CDC42SE2: variants seen among roughly 807,000 people sequenced by gnomAD.
CDC42SE2 encodes the protein CDC42 small effector 2, also known as CDC42 small effector protein 2.
In CDC42SE2, 3 loss-of-function variants were observed where a neutral mutation model predicts 11.5. The observed-to-expected ratio is 0.26, with a 90% CI of 0.12 to 0.67. The LOEUF (loss-of-function observed/expected upper bound fraction) is 0.67, where lower values mean the gene tolerates loss of function less well. CDC42SE2 is among the 30% of genes least tolerant of loss of function. The pLI is 0.80. For synonymous variants in CDC42SE2, 33 were observed against 34.8 expected, an observed-to-expected ratio of 0.95 and a Z score of 0.18; for missense variants, 82 against 106.8, an observed-to-expected ratio of 0.77 and a Z score of 1.02.
chr5:131,212,095 G>T, the CDC42SE2 span, among the ~76,000 whole-genome samples: 2 of 151,448 alleles, frequency 1.3e-5, no homozygotes, highest in African/African-American at 4.9e-5. Flanking sequence ...GTGTGGCAGG[G>T]TTTTTTTCTG....
At chr5:131,379,548 C>T (rs1003858502) in intron 3 of CDC42SE2, among the ~76,000 whole-genome samples, 4 of 152,114 alleles carry the variant, frequency 2.6e-5, no homozygotes, top group Non-Finnish European at 5.9e-5. Context: ...TTGAAATTAA[C>T]CTGCTTCTCG....
chr5:131,298,657 T>G (rs895462541), intron 1 of CDC42SE2, among the ~76,000 whole-genome samples: 4 of 152,022 alleles, frequency 2.6e-5, no homozygotes, highest in Non-Finnish European at 4.4e-5. Flanking sequence ...CTGAAACTTC[T>G]GCATAGTGGC....
chr5:131,268,662 G>A (rs1756924496), intron 1 of CDC42SE2, among the ~76,000 whole-genome samples: 1 of 151,664 alleles, frequency 6.6e-6, no homozygotes, highest in Admixed American at 6.6e-5. Flanking sequence ...ATGTTGGTGA[G>A]GCTGGTCTCG....
chr5:131,217,239 C>T, the CDC42SE2 span, among the ~76,000 whole-genome samples: 3 of 152,146 alleles, frequency 2.0e-5, no homozygotes, highest in Admixed American at 6.5e-5. Flanking sequence ...TACAGCAACA[C>T]GGTTGAGTAG....
At chr5:131,388,880 C>T (rs989307527) in intron 4 of CDC42SE2, among the ~76,000 whole-genome samples, 19 of 152,092 alleles carry the variant, frequency 1.2e-4, no homozygotes, top group African/African-American at 4.6e-4. Flanking sequence ...TGCAGAGTCT[C>T]ATTCTGTTGC....
At chr5:131,385,690 C>A in intron 4 of CDC42SE2, 46 bp downstream of exon 4, 2 of 1,160,642 alleles carry the variant, frequency 1.7e-6, no homozygotes, top group South Asian at 2.6e-5. Flanking sequence ...GGGGCATAGT[C>A]ATATGAAACC....
intron 2 of CDC42SE2, among the ~76,000 whole-genome samples, chr5:131,347,927 C>T (rs530023081): frequency 1.3e-5 from 2 of 152,272 alleles, no homozygotes; most frequent in African/African-American, 2.4e-5. Context: ...GCAGAAAAGG[C>T]CTTTGACAAA....
intron 1 of CDC42SE2, among the ~76,000 whole-genome samples, chr5:131,303,259 G>C (rs1580741413): frequency 6.6e-6 from 1 of 152,116 alleles, no homozygotes; most frequent in East Asian, 1.9e-4. Context: ...GTCTATATTT[G>C]TCCCTGACAG....
In CDC42SE2 at chr5:131,328,618, G is replaced by T. The variant is rs1418377992; in HGVS notation, c.-286+12474G>T. On this transcript the variant is annotated intron_variant, in intron 2 of 4. Coordinates refer to ENST00000505065, the MANE Select transcript of CDC42SE2 (RefSeq NM_001375635.1). Reference sequence around the variant, plus strand: ...CTTATATCTTCCATTGACTTTCTAGGGACACATTCTTGGATCATTCATTCC... The same window carrying T: ...CTTATATCTTCCATTGACTTTCTAGTGACACATTCTTGGATCATTCATTCC... 5.9e-5 allele frequency among the ~76,000 whole-genome samples: 9 copies of T among 151,926 alleles called. No homozygotes were observed. The East Asian group carries it at 1.7e-3, about 29-fold the overall frequency.
chr5:131,213,181 G>A, the CDC42SE2 span, among the ~76,000 whole-genome samples: 5 of 152,228 alleles, frequency 3.3e-5, no homozygotes, highest in East Asian at 3.9e-4. Context: ...CAACAAGAGC[G>A]AAACTCCCAT....
chr5:131,261,688 A>C (rs549275690), upstream of CDC42SE2: 2 of 152,316 alleles, frequency 1.3e-5, no homozygotes, highest in East Asian at 3.9e-4. Context: ...CCTGTCTACC[A>C]AAAACACAAA....
chr5:131,264,701 C>T (rs1165232020), intron 1 of CDC42SE2, among the ~76,000 whole-genome samples: 1 of 152,248 alleles, frequency 6.6e-6, no homozygotes, highest in African/African-American at 2.4e-5. Context: ...AAGCCCTTGG[C>T]TACCTCGTCG....
At chr5:131,368,972 C>G (rs1029069627) in intron 3 of CDC42SE2, among the ~76,000 whole-genome samples, 1 of 152,068 alleles carries the variant, frequency 6.6e-6, no homozygotes, top group African/African-American at 2.4e-5. Context: ...GCACATATTA[C>G]TCGTTAAGAA....
At chr5:131,293,530 C>T (rs1757506605) in intron 1 of CDC42SE2, among the ~76,000 whole-genome samples, 1 of 148,308 alleles carries the variant, frequency 6.7e-6, no homozygotes, top group Non-Finnish European at 1.5e-5. Flanking sequence ...GGAGATCAGG[C>T]CACTGCACTC....
At chr5:131,343,660 C>T (rs1580767499) in intron 2 of CDC42SE2, among the ~76,000 whole-genome samples, 1 of 150,692 alleles carries the variant, frequency 6.6e-6, no homozygotes, top group Non-Finnish European at 1.5e-5. Context: ...TTGTGGTGAG[C>T]TGAGATCGCA....
At chr5:131,216,517 AAAAAAC>A in the CDC42SE2 span, among the ~76,000 whole-genome samples, 1 of 151,260 alleles carries the variant, frequency 6.6e-6, no homozygotes, top group African/African-American at 2.5e-5. Context: ...AAAAAAAAAA[AAAAAAC>A]ATTATAGACT....
chr5:131,301,186 G>A (rs1340011959), intron 1 of CDC42SE2, among the ~76,000 whole-genome samples: 2 of 152,298 alleles, frequency 1.3e-5, no homozygotes, highest in East Asian at 1.9e-4. Flanking sequence ...ACTGGCAAGG[G>A]TAGGGGGAAG....
intron 1 of CDC42SE2, among the ~76,000 whole-genome samples, chr5:131,272,767 G>T (rs1038082601): frequency 6.6e-6 from 1 of 151,938 alleles, no homozygotes; most frequent in African/African-American, 2.4e-5. Context: ...TGTCATCCGC[G>T]CTCCCTGTCT....
At chr5:131,246,753 C>T (rs1410030930) in intron 1 of CDC42SE2, among the ~76,000 whole-genome samples, 1 of 142,370 alleles carries the variant, frequency 7.0e-6, no homozygotes, top group Non-Finnish European at 1.5e-5. Flanking sequence ...ATATTTTTCA[C>T]TCAAATCCTT....
Sources: allele counts gnomAD v4.1 joint callset (sites outside exome capture counted in the v4.1 genomes callset), GRCh38; gene constraint gnomAD v4.1.1; transcripts MANE v1.5; gene names NCBI Gene and HGNC (gene_info 2026-07-23, HGNC 2026-07-21).